The following CNTNAP2 variants were observed in gnomAD, a reference collection of about 807,000 sequenced individuals.
CNTNAP2 encodes the protein contactin-associated protein-like 2.
A neutral mutation model predicts 155.2 loss-of-function variants in CNTNAP2; 98 were observed. The observed-to-expected ratio is 0.63, with a 90% CI of 0.54 to 0.75. The LOEUF (loss-of-function observed/expected upper bound fraction) is 0.75. Ranked by LOEUF, CNTNAP2 falls within the 30% of genes least tolerant of loss-of-function variation. The pLI is 0.00. For synonymous variants in CNTNAP2, 651 were observed against 631.2 expected (o/e 1.03, Z -0.47); for missense variants, 1,727 against 1,688.1 (o/e 1.02, Z -0.40).
intron 9 of CNTNAP2, among the ~76,000 whole-genome samples, chr7:147,390,625 G>A (rs565211056): frequency 7.2e-5 from 11 of 152,104 alleles, no homozygotes; most frequent in Admixed American, 6.6e-4. Flanking sequence ...CTACTTGAGG[G>A]TTTCCATGGC....
chr7:146,443,615 T>C (rs1796359396), intron 1 of CNTNAP2, among the ~76,000 whole-genome samples: 1 of 152,254 alleles, frequency 6.6e-6, no homozygotes, highest in East Asian at 1.9e-4. Context: ...AGTGTCGTCA[T>C]TTTGTAACAA....
chr7:146,637,494 C>T (rs1428517918), intron 1 of CNTNAP2, among the ~76,000 whole-genome samples: 1 of 152,148 alleles, frequency 6.6e-6, no homozygotes, highest in African/African-American at 2.4e-5. Flanking sequence ...GAAGCCACCA[C>T]CTAGTTCACT....
At chr7:147,144,651 C>G (rs912833296) in intron 8 of CNTNAP2, among the ~76,000 whole-genome samples, 4 of 151,984 alleles carry the variant, frequency 2.6e-5, no homozygotes, top group African/African-American at 9.7e-5. Context: ...GGAAATAAAC[C>G]CTTGATAGTC....
intron 13 of CNTNAP2, among the ~76,000 whole-genome samples, chr7:147,891,664 T>TA (rs925045364): frequency 3.9e-5 from 6 of 151,928 alleles, no homozygotes; most frequent in African/African-American, 7.2e-5. Context: ...CAAATTCATT[T>TA]AAAAAAAACA....
chr7:147,944,958 A>C (rs1005469512), intron 14 of CNTNAP2, among the ~76,000 whole-genome samples: 8 of 152,174 alleles, frequency 5.3e-5, no homozygotes, highest in African/African-American at 1.4e-4. Context: ...GCTGCCTGCC[A>C]ATTACAGAAT....
At chr7:146,730,685 T>C (rs377622452) in intron 1 of CNTNAP2, among the ~76,000 whole-genome samples, 1 of 152,184 alleles carries the variant, frequency 6.6e-6, no homozygotes, top group Non-Finnish European at 1.5e-5. Flanking sequence ...TTGTGACCAG[T>C]TTCTTGAATG....
chr7:147,989,733 T>C (rs1406127291), intron 15 of CNTNAP2, among the ~76,000 whole-genome samples: 6 of 152,194 alleles, frequency 3.9e-5, no homozygotes, highest in Non-Finnish European at 2.9e-5. Flanking sequence ...ACAATGTCCT[T>C]CCACATAAGC....
chr7:148,144,152 T>C lies in CNTNAP2; in HGVS notation c.2555-3339T>C, dbSNP rs141169460. 4.9e-3 allele frequency among the ~76,000 whole-genome samples: 740 copies of C among 152,338 alleles called. 7 individuals are homozygous for C. Among genetic ancestry groups the C allele is most frequent in the African/African-American group, 0.017 (691 of 41,582 alleles). On this transcript the variant is annotated intron_variant, in intron 16 of 23. Transcript: ENST00000361727. The stretch of plus-strand genomic sequence containing the variant: ...TTGCCTGCCTTCTGAGCAAGAAGCA[T>C]TGACAGCTTTGTTTATACCTTTTTT...
chr7:147,432,761 A>G (rs1169196266), intron 10 of CNTNAP2, among the ~76,000 whole-genome samples: 1 of 151,946 alleles, frequency 6.6e-6, no homozygotes, highest in Non-Finnish European at 1.5e-5. Flanking sequence ...TGCCCATTTC[A>G]CTTAACCCCC....
rs1387347680 is a variant in CNTNAP2 at position 146,550,803 on chromosome 7, G to A, written c.98-223468G>A. 5.3e-5 allele frequency among the ~76,000 whole-genome samples: 8 copies of A among 151,996 alleles called. No individual in the cohort carries two copies. The East Asian group carries it at 1.6e-3, about 29-fold the overall frequency. ...ATAAATAAGCTAATTAATAAGACAA[G>A]ACACTTGGAACCATTCAGATTTTTA... On this transcript the variant is annotated intron_variant, in intron 1 of 23. Coordinates refer to ENST00000361727, the MANE Select transcript of CNTNAP2 (RefSeq NM_014141.6).
intron 11 of CNTNAP2, among the ~76,000 whole-genome samples, chr7:147,517,489 T>C (rs995768869): frequency 1.3e-5 from 2 of 152,182 alleles, no homozygotes; most frequent in Non-Finnish European, 2.9e-5. Context: ...GAAAGTTCAA[T>C]TGGGACATAA....
chr7:146,184,638 T>A (rs1300655723), intron 1 of CNTNAP2, among the ~76,000 whole-genome samples: 1 of 152,218 alleles, frequency 6.6e-6, no homozygotes, highest in Non-Finnish European at 1.5e-5. Flanking sequence ...AAGCTTGAAT[T>A]ACAGTTCCCC....
intron 1 of CNTNAP2, among the ~76,000 whole-genome samples, chr7:146,572,577 C>T (rs1798459195): frequency 6.6e-6 from 1 of 152,138 alleles, no homozygotes; most frequent in Non-Finnish European, 1.5e-5. Context: ...CCAATGTTCC[C>T]AGCGGGCAGG....
chr7:148,324,600 C>A (rs1377032076), intron 21 of CNTNAP2, among the ~76,000 whole-genome samples: 1 of 151,958 alleles, frequency 6.6e-6, no homozygotes, highest in Non-Finnish European at 1.5e-5. Context: ...GAGTTCGAGA[C>A]CAGCCTGGCC....
chr7:148,292,895 G>A (rs1797212928), intron 21 of CNTNAP2, among the ~76,000 whole-genome samples: 1 of 152,100 alleles, frequency 6.6e-6, no homozygotes, highest in African/African-American at 2.4e-5. Context: ...TGCAGCAGAT[G>A]AAACATGTTG....
chr7:146,982,367 A>G (rs145052551), intron 3 of CNTNAP2, among the ~76,000 whole-genome samples: 63 of 152,250 alleles, frequency 4.1e-4, no homozygotes, highest in Middle Eastern at 3.4e-3. Flanking sequence ...TTAACACCCC[A>G]TTCTTTGTGT....
At chr7:147,682,954 A>T (rs1442885120) in intron 13 of CNTNAP2, among the ~76,000 whole-genome samples, 3 of 151,872 alleles carry the variant, frequency 2.0e-5, no homozygotes, top group Non-Finnish European at 4.4e-5. Flanking sequence ...GGTAAAAAAC[A>T]TCTAAAGGGT....
At chr7:147,832,641 TATAA>T (rs1798570200) in intron 13 of CNTNAP2, among the ~76,000 whole-genome samples, 1 of 146,296 alleles carries the variant, frequency 6.8e-6, no homozygotes, top group African/African-American at 2.5e-5. Context: ...TAAAGCAATA[TATAA>T]AATTATATTT....
intron 1 of CNTNAP2, among the ~76,000 whole-genome samples, chr7:146,700,113 G>A (rs1216371796): frequency 1.3e-5 from 2 of 152,168 alleles, no homozygotes; most frequent in East Asian, 1.9e-4. Flanking sequence ...GAATAAGAGT[G>A]TAGCCCCTTC....
Sources: gnomAD v4.1 joint callset for allele counts (sites outside exome capture counted in the v4.1 genomes callset) on GRCh38, gnomAD v4.1.1 for gene constraint, MANE v1.5 for transcripts, NCBI Gene and HGNC (gene_info 2026-07-23, HGNC 2026-07-21) for gene names.